CAMTA1: variants seen among roughly 807,000 people sequenced by gnomAD.
The protein encoded by CAMTA1 is calmodulin binding transcription activator 1, also known as calmodulin-binding transcription activator 1.
Under a neutral mutation model 170.9 loss-of-function variants are expected in CAMTA1, and 27 were observed. The observed-to-expected ratio is 0.16, with a 90% confidence interval of 0.12 to 0.22. The LOEUF is 0.22. Ranked by LOEUF, CAMTA1 falls within the 10% of genes least tolerant of loss-of-function variation. The probability of loss-of-function intolerance (pLI) is 1.00; values close to 1 mark genes in which losing one functional copy is unlikely to be tolerated. For missense variants in CAMTA1, 1,619 were observed against 2,217.2 expected (o/e 0.73, Z 5.42); for synonymous variants, 833 against 891.5 (o/e 0.93, Z 1.17).
rs996793407 is a variant in CAMTA1, at chr1:7,093,247, C to A, written c.302+1876C>A. Among the ~76,000 whole-genome samples the A allele has an allele frequency of 6.6e-6, 1 of 152,124 alleles. No homozygotes were observed. The highest frequency in any genetic ancestry group is 1.5e-5 in the Non-Finnish European group (1 of 68,034). On this transcript the variant is annotated intron_variant, in intron 4 of 22. Transcript: ENST00000303635. This position sits in a 1 kb window ranked among gnomAD's most constrained non-coding sequence, Gnocchi z 4.6. ...ATTCAGCAGGTGCGGTGCAGGGGGC[C>A]TGAACATGTGTTATTTCTAACAAGC...
At chr1:7,590,093 C>G (rs983305823) in intron 6 of CAMTA1, among the ~76,000 whole-genome samples, 1 of 152,174 alleles carries the variant, frequency 6.6e-6, no homozygotes, top group African/African-American at 2.4e-5. Context: ...AAGTCTCCGC[C>G]CTGAACTTCA....
intron 3 of CAMTA1, among the ~76,000 whole-genome samples, chr1:6,842,562 C>T (rs1219956381): frequency 1.3e-5 from 2 of 152,196 alleles, no homozygotes; most frequent in Non-Finnish European, 2.9e-5. Flanking sequence ...GAACTACAGC[C>T]TTAAATCTAC....
Position 7,199,480 on chromosome 1 carries a change from C to T in CAMTA1, c.303-50011C>T, listed in dbSNP as rs939820295. Among the ~76,000 whole-genome samples the T allele has an allele frequency of 9.9e-5, 15 of 152,218 alleles. 1 individual carries two copies. The highest frequency in any genetic ancestry group is 8.5e-4 in the Admixed American group (13 of 15,290). On this transcript the variant is annotated intron_variant, in intron 4 of 22. Transcript: ENST00000303635. ...CAGACACGGGCACCCGACCCTAGGG[C>T]TGGGAAGTCATCTGCCCCCATGTCC...
intron 5 of CAMTA1, among the ~76,000 whole-genome samples, chr1:7,404,113 G>T (rs982867179): frequency 2.0e-5 from 3 of 152,140 alleles, no homozygotes; most frequent in African/African-American, 7.2e-5. Flanking sequence ...CATTTTACAA[G>T]GGAGGACACT....
At chr1:7,323,790 T>C (rs1398610249) in intron 5 of CAMTA1, among the ~76,000 whole-genome samples, 1 of 152,234 alleles carries the variant, frequency 6.6e-6, no homozygotes, top group Non-Finnish European at 1.5e-5. Flanking sequence ...CACAAAGCAC[T>C]GTCTGGCACT....
intron 4 of CAMTA1, among the ~76,000 whole-genome samples, chr1:7,220,520 C>T (rs1490833869): frequency 6.6e-6 from 1 of 152,146 alleles, no homozygotes; most frequent in Admixed American, 6.5e-5. Flanking sequence ...CAGCTTCTGT[C>T]TCCTCCGAGA....
chr1:6,885,900 C>T (rs562417137), intron 3 of CAMTA1, among the ~76,000 whole-genome samples: 1 of 152,308 alleles, frequency 6.6e-6, no homozygotes, highest in South Asian at 2.1e-4. Context: ...CCGCATGCCA[C>T]TCCTCCCATG....
chr1:7,377,961 C>T (rs147958610), intron 5 of CAMTA1, among the ~76,000 whole-genome samples: 23 of 152,218 alleles, frequency 1.5e-4, no homozygotes, highest in Non-Finnish European at 1.8e-4. Context: ...TATTGGAACC[C>T]CTCCATGCAC....
intron 4 of CAMTA1, among the ~76,000 whole-genome samples, chr1:7,228,920 AG>A (rs1662191490): frequency 6.6e-6 from 1 of 152,110 alleles, no homozygotes; most frequent in Non-Finnish European, 1.5e-5. Flanking sequence ...GGTTTGGGTC[AG>A]GGGGCTTAAG....
intron 16 of CAMTA1, among the ~76,000 whole-genome samples, chr1:7,741,777 C>T (rs2096819339): frequency 6.6e-6 from 1 of 151,594 alleles, no homozygotes; most frequent in South Asian, 2.1e-4. Flanking sequence ...TCCCTGTAAT[C>T]CCAGCTACTC....
At chr1:7,058,886 C>T (rs1707784871) in intron 3 of CAMTA1, among the ~76,000 whole-genome samples, 1 of 99,084 alleles carries the variant, frequency 1.0e-5, no homozygotes, top group South Asian at 3.1e-4. Context: ...CACACACATA[C>T]ACACACACAC....
At chr1:6,791,465 G>C (rs761194819) in intron 1 of CAMTA1, among the ~76,000 whole-genome samples, 45 of 152,136 alleles carry the variant, frequency 3.0e-4, no homozygotes, top group Non-Finnish European at 5.3e-4. Flanking sequence ...CCCCATGTAG[G>C]ATTTTGGAAA....
intron 4 of CAMTA1, among the ~76,000 whole-genome samples, chr1:7,130,671 A>G (rs1645195214): frequency 6.6e-6 from 1 of 152,082 alleles, no homozygotes; most frequent in African/African-American, 2.4e-5. Flanking sequence ...AATCTAGTGT[A>G]TGTGTGGACG....
intron 4 of CAMTA1, among the ~76,000 whole-genome samples, chr1:7,136,730 A>G (rs552174209): frequency 3.3e-4 from 51 of 152,246 alleles, no homozygotes; most frequent in Admixed American, 1.2e-3. Context: ...ATCTGTTCTC[A>G]TCTTACTGGT....
intron 3 of CAMTA1, 25 bp downstream of exon 3, chr1:6,825,235 G>T (rs1401379342): frequency 5.8e-6 from 8 of 1,387,982 alleles, no homozygotes; most frequent in Non-Finnish European, 7.0e-6. Flanking sequence ...TTTTTTAAGG[G>T]TATAATTATT....
intron 11 of CAMTA1, among the ~76,000 whole-genome samples, chr1:7,705,249 G>A (rs2096501403): frequency 6.6e-6 from 1 of 151,164 alleles, no homozygotes; most frequent in African/African-American, 2.4e-5. Context: ...GCAGGGAGGG[G>A]TGCGTTTGGC....
At chr1:6,892,601 T>TTC (rs1674757684) in intron 3 of CAMTA1, among the ~76,000 whole-genome samples, 1 of 150,324 alleles carries the variant, frequency 6.7e-6, no homozygotes, top group Admixed American at 6.6e-5. Flanking sequence ...TCTTTTCTTT[T>TTC]TTTTTTTTTT....
At chr1:7,306,596 A>T (rs759545389) in intron 5 of CAMTA1, among the ~76,000 whole-genome samples, 15 of 151,988 alleles carry the variant, frequency 9.9e-5, no homozygotes, top group Non-Finnish European at 2.2e-4. Context: ...TCTTTTAAGA[A>T]ATTGTTTTGG....
rs540132825 is a variant in CAMTA1, at chr1:7,470,204, G to A, written c.510+2303G>A. 2.6e-5 allele frequency among the ~76,000 whole-genome samples: 4 copies of A among 152,324 alleles called. No individual in the cohort carries two copies. In the South Asian group the frequency reaches 8.3e-4, roughly 32 times the overall value. ...AGAGGGAGCGCACACAGGTGTAGGGGGTTCCTGCTCCCCCAGGTCTGTGCG... is the reference window on the plus strand; with the variant it reads ...AGAGGGAGCGCACACAGGTGTAGGGAGTTCCTGCTCCCCCAGGTCTGTGCG... On this transcript the variant is annotated intron_variant, in intron 6 of 22. Coordinates refer to ENST00000303635, the MANE Select transcript of CAMTA1 (RefSeq NM_015215.4).
Sources: gnomAD v4.1 joint callset for allele counts (sites outside exome capture counted in the v4.1 genomes callset) on GRCh38, gnomAD v4.1.1 for gene constraint, Gnocchi (gnomAD v3.1) non-coding constraint, MANE v1.5 for transcripts, NCBI Gene and HGNC (gene_info 2026-07-23, HGNC 2026-07-21) for gene names.